TTC28: variants seen among roughly 807,000 people sequenced by gnomAD.
TTC28 encodes the protein tetratricopeptide repeat domain 28, also known as tetratricopeptide repeat protein 28.
In TTC28, 61 loss-of-function variants were observed where a neutral mutation model predicts 198.0. That is an observed-to-expected ratio of 0.31 (90% confidence interval 0.25 to 0.38). The LOEUF (loss-of-function observed/expected upper bound fraction) is 0.38, where lower values mean the gene tolerates loss of function less well. TTC28 is among the 10% of genes least tolerant of loss of function. The probability of loss-of-function intolerance (pLI) is 1.00; values close to 1 mark genes in which losing one functional copy is unlikely to be tolerated. For missense variants in TTC28, 2,678 were observed against 3,164.0 expected, an observed-to-expected ratio of 0.85 and a Z score of 3.69; for synonymous variants, 1,171 against 1,297.8, an observed-to-expected ratio of 0.90 and a Z score of 2.10.
intron 2 of TTC28, among the ~76,000 whole-genome samples, chr22:28,311,798 C>T (rs2045261859): frequency 6.6e-6 from 1 of 151,854 alleles, no homozygotes; most frequent in African/African-American, 2.4e-5. Context: ...AACTATCTCA[C>T]CTTACTCGCC....
chr22:28,630,922 A>G (rs1306125107), intron 1 of TTC28, among the ~76,000 whole-genome samples: 1 of 152,250 alleles, frequency 6.6e-6, no homozygotes, highest in Admixed American at 6.5e-5. Context: ...ATATATGGAC[A>G]CTATAATCTC....
chr22:28,485,371 G>C (rs2048303061), intron 2 of TTC28, among the ~76,000 whole-genome samples: 1 of 152,054 alleles, frequency 6.6e-6, no homozygotes, highest in Non-Finnish European at 1.5e-5. Flanking sequence ...ACTTTATGTT[G>C]CCTTTCTTTA....
intron 2 of TTC28, among the ~76,000 whole-genome samples, chr22:28,466,857 C>CACACACACA (rs1568962210): frequency 1.1e-5 from 1 of 94,448 alleles, no homozygotes; most frequent in Non-Finnish European, 2.2e-5. Flanking sequence ...ACACACACAC[C>CACACACACA]CCTATGCCAG....
intron 9 of TTC28, among the ~76,000 whole-genome samples, chr22:28,100,645 T>G (rs1942114307): frequency 6.6e-6 from 1 of 152,204 alleles, no homozygotes; most frequent in African/African-American, 2.4e-5. Flanking sequence ...ACCACTCACA[T>G]GCTCGCTATC....
intron 2 of TTC28, among the ~76,000 whole-genome samples, chr22:28,423,368 C>A (rs576886122): frequency 4.0e-5 from 6 of 151,638 alleles, no homozygotes; most frequent in Admixed American, 6.6e-5. Flanking sequence ...CCAGCCTGGG[C>A]GACAGAGCGA....
intron 5 of TTC28, among the ~76,000 whole-genome samples, chr22:28,223,406 G>A (rs1387742635): frequency 6.6e-6 from 1 of 152,180 alleles, no homozygotes; most frequent in African/African-American, 2.4e-5. Context: ...TTGAAATTGA[G>A]AAAATATTTA....
At chr22:28,192,976 A>G (rs925857024) in intron 5 of TTC28, among the ~76,000 whole-genome samples, 4 of 152,200 alleles carry the variant, frequency 2.6e-5, no homozygotes, top group African/African-American at 9.7e-5. Flanking sequence ...AGCAACTCCA[A>G]GACACATATT....
intron 12 of TTC28, among the ~76,000 whole-genome samples, chr22:28,092,873 T>C (rs1053068884): frequency 4.6e-5 from 7 of 152,220 alleles, no homozygotes; most frequent in African/African-American, 1.7e-4. Flanking sequence ...GAAGCACGTG[T>C]GCAAGTGGCT....
chr22:28,419,530 G>T (rs73439834), intron 2 of TTC28, among the ~76,000 whole-genome samples: 2,647 of 152,226 alleles, frequency 0.017, 75 homozygotes, highest in African/African-American at 0.061. Flanking sequence ...TACCAAAAGA[G>T]AACTTTAGTA....
chr22:28,272,057 A>G (rs1569232727), intron 5 of TTC28, among the ~76,000 whole-genome samples: 1 of 152,166 alleles, frequency 6.6e-6, no homozygotes, highest in African/African-American at 2.4e-5. Flanking sequence ...TTTCTTTATA[A>G]ATTACCCACT....
chr22:28,394,827 G>A (rs948464118), intron 2 of TTC28, among the ~76,000 whole-genome samples: 1 of 152,082 alleles, frequency 6.6e-6, no homozygotes, highest in Non-Finnish European at 1.5e-5. Context: ...CAGCCTTCAG[G>A]ATATCATATT....
At chr22:28,250,924 C>A (rs888225083) in intron 5 of TTC28, among the ~76,000 whole-genome samples, 4 of 152,178 alleles carry the variant, frequency 2.6e-5, no homozygotes, top group African/African-American at 9.7e-5. Context: ...GCAAGGAAGG[C>A]CCCTTTCTGT....
intron 2 of TTC28, among the ~76,000 whole-genome samples, chr22:28,591,008 A>AACACACAC (rs55694132): frequency 9.1e-5 from 5 of 55,132 alleles, no homozygotes; most frequent in South Asian, 1.0e-3. Flanking sequence ...CTCTGCCTCA[A>AACACACAC]ACACACACAC....
At chr22:28,143,124 TG>T (rs1318761453) in intron 6 of TTC28, among the ~76,000 whole-genome samples, 1 of 152,214 alleles carries the variant, frequency 6.6e-6, no homozygotes, top group African/African-American at 2.4e-5. Context: ...ATGGCAGAGC[TG>T]GGACTAAAAC....
chr22:28,301,939 A>T (rs2045035814), intron 3 of TTC28, among the ~76,000 whole-genome samples: 1 of 151,988 alleles, frequency 6.6e-6, no homozygotes, highest in African/African-American at 2.4e-5. Context: ...CAGGAGGCTG[A>T]GGTGGAAGGA....
At chr22:28,640,241 C>T (rs1463966742) in intron 1 of TTC28, among the ~76,000 whole-genome samples, 1 of 132,380 alleles carries the variant, frequency 7.6e-6, no homozygotes, top group African/African-American at 2.9e-5. Flanking sequence ...GCCTGGGCAA[C>T]AGAGTGAGAC....
intron 2 of TTC28, among the ~76,000 whole-genome samples, chr22:28,622,966 CG>C (rs1469526995): frequency 6.6e-6 from 1 of 151,968 alleles, no homozygotes; most frequent in Non-Finnish European, 1.5e-5. Context: ...AGATTACAGG[CG>C]CCTGCCACCA....
At chr22:28,340,079 T>C (rs1266668328) in intron 2 of TTC28, among the ~76,000 whole-genome samples, 1 of 152,126 alleles carries the variant, frequency 6.6e-6, no homozygotes, top group Non-Finnish European at 1.5e-5. Flanking sequence ...ATAATCACAC[T>C]TCCTGCAAAA....
At chr22:28,228,560 C>T (rs1928531164) in intron 5 of TTC28, among the ~76,000 whole-genome samples, 1 of 151,884 alleles carries the variant, frequency 6.6e-6, no homozygotes, top group African/African-American at 2.4e-5. Flanking sequence ...ATTAGCTGGG[C>T]GTGGTGGTGT....
Sources: gnomAD v4.1 joint callset for allele counts (sites outside exome capture counted in the v4.1 genomes callset) on GRCh38, gnomAD v4.1.1 for gene constraint, MANE v1.5 for transcripts, NCBI Gene and HGNC (gene_info 2026-07-23, HGNC 2026-07-21) for gene names.